TH: variants seen among roughly 807,000 people sequenced by gnomAD.
TH encodes tyrosine 3-monooxygenase.
In TH, 49 loss-of-function variants were observed where a neutral mutation model predicts 57.4. The ratio of observed to expected loss-of-function variants is 0.85; its 90% confidence interval spans 0.68 to 1.08. TH has a LOEUF of 1.08. Among genes scored for constraint, TH ranks in the 50% least tolerant of loss-of-function variants. The probability of loss-of-function intolerance (pLI) is 0.00; values close to 1 mark genes in which losing one functional copy is unlikely to be tolerated. For synonymous variants in TH, 330 were observed against 304.5 expected (o/e 1.08, Z -0.87); for missense variants, 720 against 696.7 (o/e 1.03, Z -0.38).
chr11:2,169,601 C>T (rs764589545), intron 2 of TH, 49 bp downstream of exon 2: 1 of 1,588,686 alleles, frequency 6.3e-7, no homozygotes, highest in South Asian at 1.1e-5. Context: ...CCCACACAGC[C>T]CCACCCACAG....
Position 2,168,551 on chromosome 11 carries a change from C to A in TH, c.427G>T (p.Ala143Ser), listed in dbSNP as rs201911992. Residue 143 changes from alanine to serine, a missense_variant, in exon 3 of 13, where the codon GCC becomes TCC. Coordinates refer to ENST00000352909, the MANE Select transcript of TH (RefSeq NM_000360.4). ...RLEVRRGDLA[A>S]LLSGVRQVSE... The stretch of plus-strand genomic sequence containing the variant: ...ACCTGGCGCACACCACTGAGCAGGG[C>A]GGCCAGGTCCCCTCGGCGCACCTCG... 1 of 1,611,968 alleles carries A rather than the reference C, an allele frequency of 6.2e-7. No individual in the cohort carries two copies. The highest frequency in any genetic ancestry group is 2.2e-5 in the East Asian group (1 of 44,836).
rs1201672913 is a variant in TH, at chr11:2,170,019, G to C, written c.91-148C>G. On this transcript the variant is annotated intron_variant, in intron 1 of 12. Coordinates refer to ENST00000352909, the MANE Select transcript of TH (RefSeq NM_000360.4). The surrounding 1 kb of genome is among the most constrained non-coding windows in gnomAD (Gnocchi z 6.0). ...TTTGAGCGCCTACTGTGTGCCTGCTGGGGCAGATGCTAGCCGAGGTGCCTG... is the reference window on the plus strand; with the variant it reads ...TTTGAGCGCCTACTGTGTGCCTGCTCGGGCAGATGCTAGCCGAGGTGCCTG... 6 of 855,152 alleles carry C rather than the reference G, an allele frequency of 7.0e-6. No homozygotes were observed. The highest frequency in any genetic ancestry group is 2.0e-5 in the Admixed American group (1 of 49,470). 53.0% of individuals were successfully genotyped at this position (855,152 alleles called of 1,614,324 possible).
chr11:2,167,578 G>A (rs554478735), intron 5 of TH, 93 bp from the exon 6 acceptor site: 43 of 1,415,422 alleles, frequency 3.0e-5, no homozygotes, highest in South Asian at 1.7e-4. Context: ...GTCCACACCC[G>A]CCTAGTGCAG....
At position 2,169,884 on chromosome 11, in the gene TH, G is replaced by A; in HGVS notation, c.91-13C>T. 3.1e-6 allele frequency: 5 copies of A among 1,606,046 alleles called. No individual in the cohort carries two copies. The highest frequency in any genetic ancestry group is 4.2e-6 in the Non-Finnish European group (5 of 1,177,928). Reference sequence around the variant, plus strand: ...TGAACCGCGGGGACTGTGGGGACAAGGGGCACCCATGCCTCCTCCACCTGC... The same window carrying A: ...TGAACCGCGGGGACTGTGGGGACAAAGGGCACCCATGCCTCCTCCACCTGC... On this transcript the variant is annotated splice_polypyrimidine_tract_variant and intron_variant, in intron 1 of 12. Coordinates refer to ENST00000352909, the MANE Select transcript of TH (RefSeq NM_000360.4).
intron 11 of TH, 97 bp downstream of exon 11, chr11:2,165,571 A>C (rs1846066465): frequency 7.1e-7 from 1 of 1,402,250 alleles, no homozygotes; most frequent in African/African-American, 1.4e-5. Context: ...CTGGAGGTCC[A>C]GGCCTCAGTT....
intron 9 of TH, 23 bp from the exon 10 acceptor site, chr11:2,166,081 G>A: frequency 1.9e-6 from 3 of 1,551,488 alleles, no homozygotes; most frequent in East Asian, 2.4e-5. Context: ...GAGGATGAAG[G>A]ATGGGGAGAG....
At chr11:2,168,287 C>T (rs569883647) in intron 3 of TH, 108 bp from the exon 4 acceptor site, 19 of 1,409,944 alleles carry the variant, frequency 1.3e-5, no homozygotes, top group Admixed American at 5.3e-5. Flanking sequence ...CAGAGGCAGC[C>T]GGGGCTGTGA....
At chr11:2,168,740 G>GGC in intron 2 of TH, 75 bp from the exon 3 acceptor site, 1 of 448,222 alleles carries the variant, frequency 2.2e-6, no homozygotes, top group Admixed American at 2.5e-5. Context: ...GGGTGGGCGG[G>GGC]GAGGAGGCAC....
chr11:2,164,622 C>A (rs1159980887), intron 12 of TH, among the ~76,000 whole-genome samples: 4 of 152,124 alleles, frequency 2.6e-5, no homozygotes, highest in Non-Finnish European at 4.4e-5. Flanking sequence ...TGCCGGGCAC[C>A]CCATCCCTCC....
chr11:2,164,011 C>G lies in TH; in HGVS notation c.*222G>C. ...AAGGGCGGAGGGCAGTGCAGCAGCC[C>G]CCAGGACCCTGGGAGCCAGGACAGG... On this transcript the variant is annotated 3_prime_UTR_variant, in exon 13 of 13. Transcript: ENST00000352909. The G allele has an allele frequency of 4.9e-6, 2 of 405,938 alleles. No individual in the cohort carries two copies. Among genetic ancestry groups the G allele is most frequent in the East Asian group, 7.2e-5 (2 of 27,680 alleles). The allele number at this position is 405,938 out of a possible 1,614,324, so 25.1% of individuals were successfully genotyped here. A position where few individuals can be genotyped will look rare whatever the true frequency, so the allele number is the denominator to read the frequency against.
intron 10 of TH, 62 bp downstream of exon 10, chr11:2,165,934 AGAGGGT>A (rs756835284): frequency 6.5e-7 from 1 of 1,527,568 alleles, no homozygotes; most frequent in Non-Finnish European, 8.9e-7. Flanking sequence ...CTGGACGGCA[AGAGGGT>A]GAGGCCTGGA....
At chr11:2,165,899 C>G (rs1846076843) in intron 10 of TH, 103 bp downstream of exon 10, 2 of 1,501,022 alleles carry the variant, frequency 1.3e-6, no homozygotes, top group South Asian at 2.4e-5. Context: ...GGTCACAATT[C>G]GTGGGTGGAA....
intron 5 of TH, 66 bp from the exon 6 acceptor site, chr11:2,167,551 A>G (rs1846134121): frequency 2.0e-6 from 3 of 1,515,446 alleles, no homozygotes; most frequent in African/African-American, 1.4e-5. Flanking sequence ...GGAGGGAGGG[A>G]GCTTCACTGG....
chr11:2,168,755 G>A, intron 2 of TH, 90 bp from the exon 3 acceptor site: 1 of 1,395,244 alleles, frequency 7.2e-7, no homozygotes, highest in Middle Eastern at 2.5e-4. Context: ...AGGCACATCT[G>A]GCTGGCTGGC....
chr11:2,167,642 C>A (rs1002826159), intron 5 of TH, 157 bp from the exon 6 acceptor site: 13 of 1,101,890 alleles, frequency 1.2e-5, no homozygotes, highest in Non-Finnish European at 1.7e-5. Flanking sequence ...CTGACTGTGC[C>A]GTGAGCCGGC....
intron 10 of TH, 69 bp from the exon 11 acceptor site, chr11:2,165,832 T>C (rs1846075093): frequency 2.6e-6 from 4 of 1,564,128 alleles, no homozygotes; most frequent in Non-Finnish European, 3.5e-6. Context: ...TGGTCACCCG[T>C]GACCAGGATA....
intron 4 of TH, 61 bp downstream of exon 4, chr11:2,168,030 G>A (rs1846149625): frequency 1.2e-6 from 2 of 1,610,190 alleles, no homozygotes; most frequent in East Asian, 2.2e-5. Context: ...GTCCAGGGTT[G>A]GGCTAAGGGT....
chr11:2,168,905 G>A (rs922725848), intron 2 of TH, among the ~76,000 whole-genome samples: 28 of 152,186 alleles, frequency 1.8e-4, no homozygotes, highest in Admixed American at 1.4e-3. Flanking sequence ...AGTTGTCACC[G>A]CTTGAGGCTT....
In TH at chr11:2,167,916, C is replaced by T. The variant is rs544661832; in HGVS notation, c.594G>A (p.Val198=). The T allele has an allele frequency of 3.7e-6, 6 of 1,611,532 alleles. No individual in the cohort carries two copies. The highest frequency in any genetic ancestry group is 3.3e-5 in the Admixed American group (2 of 59,892). Residue 198 remains valine (V), a synonymous_variant, in exon 5 of 13, where the codon GTG becomes GTA. Transcript: ENST00000352909. ...CAATCAGCTTCCTGCGCTGGCGGTACACCTGGTCCGAGAAGCCCTGAGGGC... is the reference window on the plus strand; with the variant it reads ...CAATCAGCTTCCTGCGCTGGCGGTATACCTGGTCCGAGAAGCCCTGAGGGC... ...DLDHPGFSDQ[V]YRQRRKLIAE...
Sources: allele counts gnomAD v4.1 joint callset (sites outside exome capture counted in the v4.1 genomes callset), GRCh38; gene constraint gnomAD v4.1.1; non-coding constraint Gnocchi (gnomAD v3.1); transcripts MANE v1.5; gene names NCBI Gene and HGNC (gene_info 2026-07-23, HGNC 2026-07-21).